Variants in DPP10 observed in about 807,000 individuals in gnomAD.
DPP10 encodes the protein dipeptidyl peptidase like 10, also known as inactive dipeptidyl peptidase 10.
DPP10 carries 33 observed loss-of-function variants against 120.9 expected under a neutral mutation model. The ratio of observed to expected loss-of-function variants is 0.27; its 90% CI spans 0.21 to 0.37. The LOEUF (loss-of-function observed/expected upper bound fraction) is 0.37, where lower values mean the gene tolerates loss of function less well. DPP10 is among the 10% of genes least tolerant of loss of function. DPP10 has a pLI of 1.00. For missense variants in DPP10, 816 were observed against 942.8 expected (o/e 0.87, Z 1.76); for synonymous variants, 337 against 326.1 (o/e 1.03, Z -0.36).
At chr2:115,033,893 C>CTTTTTTTTTTTTTTTTTTTTTTTTTTTTT (rs965717193) in intron 1 of DPP10, among the ~76,000 whole-genome samples, 1 of 89,858 alleles carries the variant, frequency 1.1e-5, no homozygotes, top group Non-Finnish European at 2.1e-5. Context: ...TTTTCTTTTT[C>CTTTTTTTTTTTTTTTTTTTTTTTTTTTTT]TTTTTTTTTT....
At chr2:114,510,848 GACAATTGT>G (rs1684085114) in intron 1 of DPP10, among the ~76,000 whole-genome samples, 1 of 152,222 alleles carries the variant, frequency 6.6e-6, no homozygotes, top group Non-Finnish European at 1.5e-5. Flanking sequence ...ACAGTGAAGT[GACAATTGT>G]ACACTCAAAC....
At chr2:114,726,217 CAG>C (rs1344307161) in intron 1 of DPP10, among the ~76,000 whole-genome samples, 2 of 142,360 alleles carry the variant, frequency 1.4e-5, no homozygotes, top group South Asian at 2.2e-4. Flanking sequence ...GCCTGGGAAA[CAG>C]AGCGAGACTA....
At chr2:115,373,520 A>G (rs1192105426) in intron 3 of DPP10, among the ~76,000 whole-genome samples, 1 of 151,838 alleles carries the variant, frequency 6.6e-6, no homozygotes, top group Non-Finnish European at 1.5e-5. Flanking sequence ...CATATATTAT[A>G]CCAGAGGGAT....
At chr2:114,638,080 G>T (rs1157906635) in intron 1 of DPP10, among the ~76,000 whole-genome samples, 6 of 151,876 alleles carry the variant, frequency 4.0e-5, no homozygotes, top group East Asian at 3.9e-4. Flanking sequence ...TGGGCAGTAT[G>T]GCCATTTTAA....
At chr2:114,553,015 G>A (rs76878903) in intron 1 of DPP10, among the ~76,000 whole-genome samples, 3,119 of 152,168 alleles carry the variant, frequency 0.02, 122 homozygotes, top group African/African-American at 0.07. Context: ...TGCTGCTTAA[G>A]CCTCTCACCA....
intron 21 of DPP10, among the ~76,000 whole-genome samples, chr2:115,821,833 C>T (rs768646694): frequency 6.6e-6 from 1 of 151,882 alleles, no homozygotes; most frequent in African/African-American, 2.4e-5. Context: ...TTATTATAAA[C>T]GTGTACGCTT....
At chr2:115,088,814 A>G (rs1708993059) in intron 1 of DPP10, among the ~76,000 whole-genome samples, 2 of 150,880 alleles carry the variant, frequency 1.3e-5, no homozygotes, top group South Asian at 4.2e-4. Flanking sequence ...TTTTTAAAAA[A>G]TATAATGAAT....
At chr2:114,851,130 T>G (rs1402029053) in intron 1 of DPP10, among the ~76,000 whole-genome samples, 1 of 152,290 alleles carries the variant, frequency 6.6e-6, no homozygotes, top group East Asian at 1.9e-4. Flanking sequence ...TAGTGAAAGA[T>G]CAAAAGCTAA....
chr2:115,564,131 G>C (rs927997621), intron 5 of DPP10, among the ~76,000 whole-genome samples: 2 of 151,140 alleles, frequency 1.3e-5, no homozygotes, highest in Admixed American at 1.3e-4. Flanking sequence ...GCCAGCCCTC[G>C]ATATTCAAAT....
At chr2:114,967,695 T>C (rs1453070339) in intron 1 of DPP10, among the ~76,000 whole-genome samples, 2 of 152,202 alleles carry the variant, frequency 1.3e-5, no homozygotes, top group East Asian at 3.9e-4. Context: ...AAGCTGCTTA[T>C]TGGTCGTGAG....
At chr2:115,505,601 G>A (rs1057332467) in intron 4 of DPP10, among the ~76,000 whole-genome samples, 1 of 152,096 alleles carries the variant, frequency 6.6e-6, no homozygotes, top group Non-Finnish European at 1.5e-5. Context: ...TGAGCAAGTC[G>A]AGGCTCTAGT....
At chr2:114,780,218 T>C (rs1272505841) in intron 1 of DPP10, among the ~76,000 whole-genome samples, 1 of 152,160 alleles carries the variant, frequency 6.6e-6, no homozygotes, top group East Asian at 1.9e-4. Context: ...AATATGATAA[T>C]GCAGACAAAA....
chr2:115,348,845 G>T (rs1225964510), intron 3 of DPP10, among the ~76,000 whole-genome samples: 1 of 151,982 alleles, frequency 6.6e-6, no homozygotes, highest in Non-Finnish European at 1.5e-5. Flanking sequence ...AGTGATATTG[G>T]TCCACTTACC....
At chr2:114,813,128 T>C (rs1685327676) in intron 1 of DPP10, among the ~76,000 whole-genome samples, 1 of 152,228 alleles carries the variant, frequency 6.6e-6, no homozygotes, top group Non-Finnish European at 1.5e-5. Context: ...GTCTGGATAC[T>C]AAACATAACA....
At chr2:115,359,269 T>C (rs546835729) in intron 3 of DPP10, among the ~76,000 whole-genome samples, 7 of 152,178 alleles carry the variant, frequency 4.6e-5, no homozygotes, top group South Asian at 2.1e-4. Flanking sequence ...GAGGCAGGTA[T>C]TGTTCATTTG....
intron 1 of DPP10, among the ~76,000 whole-genome samples, chr2:114,676,505 T>C (rs940985770): frequency 2.6e-4 from 40 of 152,106 alleles, no homozygotes; most frequent in Non-Finnish European, 4.6e-4. Context: ...TATGTTTTTT[T>C]CCAAAATACA....
At chr2:114,761,639 G>A (rs1358279752) in intron 1 of DPP10, among the ~76,000 whole-genome samples, 1 of 152,108 alleles carries the variant, frequency 6.6e-6, no homozygotes, top group Admixed American at 6.6e-5. Context: ...GAGGAGCAGC[G>A]GGGAACCAGT....
chr2:115,336,207 T>C (rs1013793088), intron 2 of DPP10, among the ~76,000 whole-genome samples: 2 of 151,934 alleles, frequency 1.3e-5, no homozygotes, highest in African/African-American at 2.4e-5. Context: ...AAAAGCAAGA[T>C]TGGATTTTTG....
At chr2:114,486,703 T>A (rs1681549318) in intron 1 of DPP10, among the ~76,000 whole-genome samples, 1 of 152,154 alleles carries the variant, frequency 6.6e-6, no homozygotes. Context: ...TTCTTTTCAG[T>A]GAAACTATAA....
Sources: gnomAD v4.1 joint callset for allele counts (sites outside exome capture counted in the v4.1 genomes callset) on GRCh38, gnomAD v4.1.1 for gene constraint, MANE v1.5 for transcripts, NCBI Gene and HGNC (gene_info 2026-07-23, HGNC 2026-07-21) for gene names.